The following ARHGAP12 variants were observed in gnomAD, a reference collection of about 807,000 sequenced individuals.
ARHGAP12 encodes Rho GTPase activating protein 12.
ARHGAP12 carries 64 observed loss-of-function variants against 108.6 expected under a neutral mutation model. The observed-to-expected ratio is 0.59, with a 90% CI of 0.48 to 0.73. ARHGAP12 has a LOEUF of 0.73. ARHGAP12 is among the 30% of genes least tolerant of loss of function. The pLI is 0.00. For synonymous variants in ARHGAP12, 312 were observed against 337.2 expected, an observed-to-expected ratio of 0.93 and a Z score of 0.82; for missense variants, 940 against 1,005.9, an observed-to-expected ratio of 0.93 and a Z score of 0.89.
intron 9 of ARHGAP12, among the ~76,000 whole-genome samples, chr10:31,833,051 ATTT>A (rs549029749): frequency 1.5e-4 from 22 of 147,660 alleles, no homozygotes; most frequent in African/African-American, 4.2e-4. Context: ...TATGTGTGAG[ATTT>A]TTTTTTTTTC....
At chr10:31,844,901 T>C (rs1836396517) in intron 6 of ARHGAP12, among the ~76,000 whole-genome samples, 1 of 152,096 alleles carries the variant, frequency 6.6e-6, no homozygotes, top group Admixed American at 6.6e-5. Flanking sequence ...AATATAAATT[T>C]TAGGTTCCAT....
intron 1 of ARHGAP12, among the ~76,000 whole-genome samples, 160 bp downstream of exon 1, chr10:31,928,523 C>A (rs1564443130): frequency 6.6e-6 from 1 of 150,674 alleles, no homozygotes; most frequent in African/African-American, 2.4e-5. Context: ...TCCCTTTGCG[C>A]GCACCTCCGC....
intron 3 of ARHGAP12, among the ~76,000 whole-genome samples, chr10:31,867,138 G>T (rs140091477): frequency 2.0e-5 from 3 of 146,906 alleles, no homozygotes; most frequent in Non-Finnish European, 4.5e-5. Context: ...TTTTTGAGAC[G>T]GAGTCTTGCC....
intron 3 of ARHGAP12, among the ~76,000 whole-genome samples, chr10:31,880,110 C>T (rs1837881788): frequency 6.6e-6 from 1 of 152,132 alleles, no homozygotes. Flanking sequence ...ATAGCTGGTG[C>T]TCAATAAATA....
intron 6 of ARHGAP12, among the ~76,000 whole-genome samples, chr10:31,845,696 A>T (rs1344702967): frequency 6.6e-6 from 1 of 152,126 alleles, no homozygotes; most frequent in Non-Finnish European, 1.5e-5. Flanking sequence ...GAGGCACAAG[A>T]ATAGCTTGAA....
intron 1 of ARHGAP12, among the ~76,000 whole-genome samples, chr10:31,918,359 A>ACC (rs1434839081): frequency 1.4e-5 from 2 of 140,322 alleles, no homozygotes; most frequent in African/African-American, 5.3e-5. Context: ...ACACACACAC[A>ACC]CCAATGAGAT....
chr10:31,844,024 A>G (rs1480027506), intron 6 of ARHGAP12, among the ~76,000 whole-genome samples: 1 of 152,186 alleles, frequency 6.6e-6, no homozygotes, highest in Non-Finnish European at 1.5e-5. Context: ...CTTCTACTAA[A>G]ATCAAAAATA....
chr10:31,807,853 T>A, intron 19 of ARHGAP12, 21 bp from the exon 20 acceptor site: 1 of 1,484,206 alleles, frequency 6.7e-7, no homozygotes, highest in Non-Finnish European at 9.0e-7. Flanking sequence ...AAAAAGAAGT[T>A]GTTAAAAGAG....
At chr10:31,813,422 A>C (rs1426744498) in intron 14 of ARHGAP12, among the ~76,000 whole-genome samples, 1 of 152,190 alleles carries the variant, frequency 6.6e-6, no homozygotes, top group Non-Finnish European at 1.5e-5. Context: ...CTGTTATAGT[A>C]ACAAAAATTC....
At chr10:31,816,073 C>T (rs1173397708) in intron 13 of ARHGAP12, among the ~76,000 whole-genome samples, 1 of 151,906 alleles carries the variant, frequency 6.6e-6, no homozygotes, top group Non-Finnish European at 1.5e-5. Context: ...ATCACTTGAA[C>T]CCAGGAGACG....
At chr10:31,877,814 G>T (rs1469943322) in intron 3 of ARHGAP12, among the ~76,000 whole-genome samples, 2 of 152,208 alleles carry the variant, frequency 1.3e-5, no homozygotes, top group African/African-American at 4.8e-5. Flanking sequence ...AAAACCAGTT[G>T]GGTGAGGTGG....
intron 1 of ARHGAP12, among the ~76,000 whole-genome samples, chr10:31,923,152 A>AAAAAAAC (rs1554792908): frequency 7.3e-5 from 11 of 150,224 alleles, no homozygotes; most frequent in African/African-American, 2.7e-4. Flanking sequence ...AAAAAAAAAA[A>AAAAAAAC]CAGGCAAAAT....
chr10:31,873,839 C>T (rs1405577416), intron 3 of ARHGAP12, among the ~76,000 whole-genome samples: 1 of 152,110 alleles, frequency 6.6e-6, no homozygotes, highest in Admixed American at 6.5e-5. Context: ...TATGTTTGTC[C>T]TTGTTGGTCA....
At chr10:31,895,049 T>C (rs1469719457) in intron 3 of ARHGAP12, among the ~76,000 whole-genome samples, 2 of 152,222 alleles carry the variant, frequency 1.3e-5, no homozygotes, top group East Asian at 1.9e-4. Context: ...TTGCCATATG[T>C]AGAAAGCTGA....
chr10:31,900,313 C>A (rs1838866198), intron 3 of ARHGAP12, among the ~76,000 whole-genome samples: 2 of 152,138 alleles, frequency 1.3e-5, no homozygotes, highest in Non-Finnish European at 2.9e-5. Context: ...TCTTACAAAG[C>A]TAAACAGAGT....
chr10:31,836,120 A>T (rs1036132670), intron 9 of ARHGAP12, among the ~76,000 whole-genome samples: 9 of 152,196 alleles, frequency 5.9e-5, no homozygotes, highest in Non-Finnish European at 1.3e-4. Context: ...TGAAAAAAAT[A>T]AGCAACTTGT....
At chr10:31,855,137 A>C (rs931019330) in intron 4 of ARHGAP12, among the ~76,000 whole-genome samples, 1 of 50,824 alleles carries the variant, frequency 2.0e-5, no homozygotes, top group Non-Finnish European at 3.5e-5. Flanking sequence ...GGAGAAGGGG[A>C]GGGGAAAGGG....
At chr10:31,837,526 T>C (rs956801828) in intron 9 of ARHGAP12, among the ~76,000 whole-genome samples, 4 of 152,194 alleles carry the variant, frequency 2.6e-5, no homozygotes, top group African/African-American at 9.6e-5. Flanking sequence ...GAAGAGAACA[T>C]TATTCTGCTA....
intron 3 of ARHGAP12, among the ~76,000 whole-genome samples, chr10:31,886,208 C>G (rs1463540892): frequency 6.6e-6 from 1 of 152,070 alleles, no homozygotes; most frequent in African/African-American, 2.4e-5. Context: ...GATATGTCAC[C>G]TAGATTAGCA....
Sources: allele counts gnomAD v4.1 joint callset (sites outside exome capture counted in the v4.1 genomes callset), GRCh38; gene constraint gnomAD v4.1.1; transcripts MANE v1.5; gene names NCBI Gene and HGNC (gene_info 2026-07-23, HGNC 2026-07-21).